Variants in MEF2D observed in about 807,000 individuals in gnomAD.
MEF2D encodes the protein myocyte-specific enhancer factor 2D.
Under a neutral mutation model 59.3 loss-of-function variants are expected in MEF2D, and 10 were observed. The observed-to-expected ratio is 0.17, with a 90% CI of 0.10 to 0.29. The LOEUF is 0.29. Ranked by LOEUF, MEF2D falls within the 10% of genes least tolerant of loss-of-function variation. The probability of loss-of-function intolerance (pLI) is 1.00; values close to 1 mark genes in which losing one functional copy is unlikely to be tolerated. For synonymous variants in MEF2D, 305 were observed against 295.0 expected (o/e 1.03, Z -0.35); for missense variants, 508 against 699.4 (o/e 0.73, Z 3.09).
intron 1 of MEF2D, among the ~76,000 whole-genome samples, chr1:156,488,997 T>C (rs887686184): frequency 2.0e-5 from 3 of 152,144 alleles, no homozygotes; most frequent in Non-Finnish European, 4.4e-5. Context: ...TCAAAGAAAC[T>C]ACAGGGCATC....
Position 156,475,243 on chromosome 1 carries a change from G to A in MEF2D, c.877-6C>T, listed in dbSNP as rs375248682. 3.8e-6 allele frequency: 6 copies of A among 1,595,990 alleles called. No individual in the cohort carries two copies. In the African/African-American group the frequency reaches 6.7e-5, roughly 18 times the overall value. On this transcript the variant is annotated splice_region_variant and splice_polypyrimidine_tract_variant and intron_variant, in intron 8 of 11. Coordinates refer to ENST00000348159, the MANE Select transcript of MEF2D (RefSeq NM_005920.4). ...CCAAGGCGCTGGGCATTGTTCTGTA[G>A]GAGAAAACTGTCCGTCAGGAGGTGG...
chr1:156,493,369 C>T (rs1434812682), intron 1 of MEF2D, among the ~76,000 whole-genome samples: 4 of 152,142 alleles, frequency 2.6e-5, no homozygotes, highest in Admixed American at 2.0e-4. Flanking sequence ...TTAAAGGGGC[C>T]GTTCAGGGCA....
chr1:156,467,495 A>T lies in MEF2D; in HGVS notation c.*150T>A, dbSNP rs1041265669. 1.3e-5 allele frequency: 5 copies of T among 387,984 alleles called. No individual in the cohort carries two copies. Among genetic ancestry groups the T allele is most frequent in the East Asian group, 8.5e-5 (2 of 23,570 alleles). 24.0% of individuals were successfully genotyped at this position (387,984 alleles called of 1,614,324 possible). ...AATATAATAATAATAATAATAATAT[A>T]ATAATTATACACAAATGTAACCGTC... On this transcript the variant is annotated 3_prime_UTR_variant, in exon 12 of 12. Coordinates refer to ENST00000348159, the MANE Select transcript of MEF2D (RefSeq NM_005920.4).
At chr1:156,481,125 C>T (rs1223255038) in intron 3 of MEF2D, among the ~76,000 whole-genome samples, 154 bp from the exon 4 acceptor site, 2 of 152,228 alleles carry the variant, frequency 1.3e-5, no homozygotes, top group African/African-American at 2.4e-5. Context: ...ACTGACAGTG[C>T]CTCCTGGGGC....
At chr1:156,484,422 A>G (rs1429762463) in intron 1 of MEF2D, among the ~76,000 whole-genome samples, 1 of 152,256 alleles carries the variant, frequency 6.6e-6, no homozygotes, top group Non-Finnish European at 1.5e-5. Context: ...CATGGCTGTG[A>G]TCCAATACAA....
intron 1 of MEF2D, among the ~76,000 whole-genome samples, chr1:156,495,780 C>T (rs866027576): frequency 3.7e-4 from 2 of 5,442 alleles, no homozygotes; most frequent in African/African-American, 6.3e-4. Context: ...AAAAAAAAAG[C>T]TCCCTCTGCA....
Position 156,465,800 on chromosome 1 carries a change from C to A in MEF2D, c.*1845G>T, listed in dbSNP as rs1201917520. 2 of 152,230 alleles carry A rather than the reference C, an allele frequency of 1.3e-5. No individual in the cohort carries two copies. Among genetic ancestry groups the A allele is most frequent in the Non-Finnish European group, 2.9e-5 (2 of 68,072 alleles). The allele number at this position is 152,230 out of a possible 1,614,324, so 9.4% of individuals were successfully genotyped here. A position where few individuals can be genotyped will look rare whatever the true frequency, so the allele number is the denominator to read the frequency against. ...GTAGAGGCCCCTCTGCTTCTGGTTC[C>A]TTCCCTGCATCAAGTATGGGAATAC... is the stretch of plus-strand genomic sequence containing the variant. On this transcript the variant is annotated 3_prime_UTR_variant, in exon 12 of 12. Transcript: ENST00000348159.
chr1:156,474,987 T>C, intron 9 of MEF2D, 121 bp downstream of exon 9: 2 of 1,396,134 alleles, frequency 1.4e-6, no homozygotes, highest in Non-Finnish European at 2.0e-6. Flanking sequence ...AGGTGGGGGT[T>C]CCCCCAAATC....
intron 1 of MEF2D, among the ~76,000 whole-genome samples, chr1:156,484,886 G>A (rs1307586917): frequency 6.6e-6 from 1 of 152,224 alleles, no homozygotes; most frequent in African/African-American, 2.4e-5. Flanking sequence ...GGCCCAAGAT[G>A]GGACGGAGGC....
intron 1 of MEF2D, among the ~76,000 whole-genome samples, chr1:156,496,484 G>A (rs1673139005): frequency 6.6e-6 from 1 of 152,172 alleles, no homozygotes; most frequent in Non-Finnish European, 1.5e-5. Flanking sequence ...AGTCAGCCAA[G>A]GCTCCTTGAC....
intron 4 of MEF2D, 196 bp downstream of exon 4, chr1:156,480,638 C>G: frequency 1.9e-6 from 3 of 1,547,238 alleles, no homozygotes; most frequent in Non-Finnish European, 2.6e-6. Flanking sequence ...CATGCGACTA[C>G]TCACGGCCAG....
At chr1:156,481,148 T>A (rs1028905538) in intron 3 of MEF2D, among the ~76,000 whole-genome samples, 177 bp from the exon 4 acceptor site, 1 of 152,098 alleles carries the variant, frequency 6.6e-6, no homozygotes, top group Non-Finnish European at 1.5e-5. Flanking sequence ...CGTGTGAAGA[T>A]CTGAAGATGG....
chr1:156,483,558 G>A (rs1672161430), intron 1 of MEF2D, 128 bp from the exon 2 acceptor site: 2 of 559,934 alleles, frequency 3.6e-6, no homozygotes, highest in Admixed American at 3.4e-5. Flanking sequence ...CCCTCAACAT[G>A]AGGCAATGCT....
intron 4 of MEF2D, 43 bp downstream of exon 4, chr1:156,480,791 G>A (rs1170915741): frequency 1.3e-6 from 2 of 1,597,184 alleles, no homozygotes; most frequent in Middle Eastern, 1.7e-4. Context: ...GGGGGAAGGG[G>A]CCGGAAGGGG....
chr1:156,477,268 C>G (rs1274611997), intron 6 of MEF2D, 66 bp from the exon 7 acceptor site: 1 of 1,382,234 alleles, frequency 7.2e-7, no homozygotes, highest in African/African-American at 1.4e-5. Context: ...CTATTAACTT[C>G]CCCACACCAA....
chr1:156,475,722 TTGTTTATTCC>T (rs1671529347), intron 8 of MEF2D, among the ~76,000 whole-genome samples: 2 of 152,202 alleles, frequency 1.3e-5, no homozygotes, highest in Non-Finnish European at 2.9e-5. Flanking sequence ...GCTGAGTCAC[TTGTTTATTCC>T]AACTCCATGC....
At chr1:156,497,824 G>C (rs1019091820) in intron 1 of MEF2D, among the ~76,000 whole-genome samples, 2 of 152,058 alleles carry the variant, frequency 1.3e-5, no homozygotes, top group Admixed American at 1.3e-4. Context: ...GGGCCCAGCT[G>C]GTCAGGAAGA....
At chr1:156,493,898 G>A (rs1298873714) in intron 1 of MEF2D, among the ~76,000 whole-genome samples, 3 of 152,058 alleles carry the variant, frequency 2.0e-5, no homozygotes, top group African/African-American at 7.2e-5. Flanking sequence ...CCACCCCCAG[G>A]CTGACAGGTG....
At chr1:156,494,543 A>G (rs1673015192) in intron 1 of MEF2D, among the ~76,000 whole-genome samples, 3 of 152,076 alleles carry the variant, frequency 2.0e-5, no homozygotes, top group Admixed American at 2.0e-4. Context: ...GCCCTAGGCC[A>G]GGAGGAACCC....
Sources: gnomAD v4.1 joint callset for allele counts (sites outside exome capture counted in the v4.1 genomes callset) on GRCh38, gnomAD v4.1.1 for gene constraint, MANE v1.5 for transcripts, NCBI Gene and HGNC (gene_info 2026-07-23, HGNC 2026-07-21) for gene names.